Variants in ITFG1 observed in about 807,000 individuals in gnomAD.
The protein encoded by ITFG1 is T-cell immunomodulatory protein.
Under a neutral mutation model 81.8 loss-of-function variants are expected in ITFG1, and 34 were observed. The observed-to-expected ratio is 0.42, with a 90% confidence interval of 0.32 to 0.55. The LOEUF (loss-of-function observed/expected upper bound fraction) is 0.55, where lower values mean the gene tolerates loss of function less well. Ranked by LOEUF, ITFG1 falls within the 20% of genes least tolerant of loss-of-function variation. The pLI is 0.17. For synonymous variants in ITFG1, 285 were observed against 270.6 expected (o/e 1.05, Z -0.52); for missense variants, 672 against 755.4 (o/e 0.89, Z 1.29).
chr16:47,301,048 T>C (rs1015356342), intron 10 of ITFG1, among the ~76,000 whole-genome samples: 1 of 152,194 alleles, frequency 6.6e-6, no homozygotes, highest in Admixed American at 6.5e-5. Flanking sequence ...GGAGTATAAT[T>C]TTTAAAAAGT....
At chr16:47,365,299 G>A (rs1968162042) in intron 8 of ITFG1, among the ~76,000 whole-genome samples, 1 of 152,192 alleles carries the variant, frequency 6.6e-6, no homozygotes, top group African/African-American at 2.4e-5. Context: ...CCTGACCAAT[G>A]TGAACTTGAT....
intron 8 of ITFG1, among the ~76,000 whole-genome samples, chr16:47,321,798 TA>T (rs748128726): frequency 3.6e-4 from 55 of 152,188 alleles, no homozygotes; most frequent in Non-Finnish European, 1.3e-4. Context: ...TTAAGAATTT[TA>T]AAATAATTGA....
intron 10 of ITFG1, among the ~76,000 whole-genome samples, chr16:47,288,648 C>T (rs777038557): frequency 7.9e-5 from 12 of 151,966 alleles, no homozygotes; most frequent in Non-Finnish European, 1.6e-4. Context: ...CTCGCTCTGT[C>T]GCTTAGACCA....
At chr16:47,337,632 A>G (rs774679533) in intron 8 of ITFG1, among the ~76,000 whole-genome samples, 5 of 152,228 alleles carry the variant, frequency 3.3e-5, no homozygotes, top group Admixed American at 1.3e-4. Flanking sequence ...TACATACGTT[A>G]AGGATTGTGA....
chr16:47,344,058 T>C (rs910624225), intron 8 of ITFG1, among the ~76,000 whole-genome samples: 9 of 152,174 alleles, frequency 5.9e-5, no homozygotes, highest in Admixed American at 6.5e-5. Flanking sequence ...ATTCCACTTA[T>C]ATGAAATATC....
At chr16:47,302,997 G>C (rs972443220) in intron 10 of ITFG1, among the ~76,000 whole-genome samples, 2 of 152,122 alleles carry the variant, frequency 1.3e-5, no homozygotes, top group Non-Finnish European at 2.9e-5. Flanking sequence ...ATAGGCTGGG[G>C]GCGGTAGCTC....
intron 14 of ITFG1, 30 bp from the exon 15 acceptor site, chr16:47,162,694 A>C: frequency 6.4e-7 from 1 of 1,561,644 alleles, no homozygotes; most frequent in South Asian, 1.2e-5. Flanking sequence ...AAAAAATTAA[A>C]AACATCTCTG....
chr16:47,269,171 G>C (rs776033124), intron 10 of ITFG1, among the ~76,000 whole-genome samples: 4 of 151,884 alleles, frequency 2.6e-5, no homozygotes, highest in Non-Finnish European at 5.9e-5. Context: ...CATTGTAAAA[G>C]GAAAGAAAAA....
Position 47,427,984 on chromosome 16 carries a change from A to T in ITFG1, c.655+820T>A, listed in dbSNP as rs1969045236. On this transcript the variant is annotated intron_variant, in intron 6 of 17. Transcript: ENST00000320640. ...CTCTGTCTCTACAAAAAATACAAGA[A>T]TTAGCCAGGCATAATGGCACATGCT... is the stretch of plus-strand genomic sequence containing the variant. Among the ~76,000 whole-genome samples the T allele has an allele frequency of 2.6e-5, 4 of 152,098 alleles. No homozygotes were observed. In the South Asian group the frequency reaches 8.3e-4, roughly 32 times the overall value.
At chr16:47,352,843 T>C (rs1967982803) in intron 8 of ITFG1, among the ~76,000 whole-genome samples, 1 of 151,962 alleles carries the variant, frequency 6.6e-6, no homozygotes, top group African/African-American at 2.4e-5. Context: ...ATTACGAAAA[T>C]GTGGCACATA....
At chr16:47,421,448 G>A (rs1435144874) in intron 6 of ITFG1, among the ~76,000 whole-genome samples, 1 of 152,032 alleles carries the variant, frequency 6.6e-6, no homozygotes, top group African/African-American at 2.4e-5. Context: ...GGGACTACAG[G>A]CGCGTACCAA....
At chr16:47,371,374 T>G (rs1431946085) in intron 7 of ITFG1, among the ~76,000 whole-genome samples, 1 of 152,202 alleles carries the variant, frequency 6.6e-6, no homozygotes, top group Non-Finnish European at 1.5e-5. Flanking sequence ...ATGTTAGTAA[T>G]AGTAGTAGGA....
intron 6 of ITFG1, among the ~76,000 whole-genome samples, chr16:47,398,869 T>C (rs1164133611): frequency 6.6e-6 from 1 of 152,194 alleles, no homozygotes; most frequent in African/African-American, 2.4e-5. Flanking sequence ...CCAGACAATA[T>C]TTCAGGGAAC....
chr16:47,307,232 A>C (rs1967184118), intron 10 of ITFG1, among the ~76,000 whole-genome samples: 1 of 151,958 alleles, frequency 6.6e-6, no homozygotes, highest in South Asian at 2.1e-4. Flanking sequence ...TAAAAATCAT[A>C]AAGGAATGCA....
intron 10 of ITFG1, among the ~76,000 whole-genome samples, chr16:47,286,192 C>T (rs1209163553): frequency 6.6e-6 from 1 of 152,164 alleles, no homozygotes; most frequent in Non-Finnish European, 1.5e-5. Context: ...TAACAAAGGC[C>T]TCAATCTATC....
intron 2 of ITFG1, among the ~76,000 whole-genome samples, chr16:47,454,375 G>C (rs764847510): frequency 3.1e-4 from 47 of 152,108 alleles, no homozygotes; most frequent in Non-Finnish European, 4.7e-4. Flanking sequence ...CAAGAAACAA[G>C]ACAAATCTGA....
At chr16:47,322,464 G>A (rs1227313213) in intron 8 of ITFG1, among the ~76,000 whole-genome samples, 1 of 152,162 alleles carries the variant, frequency 6.6e-6, no homozygotes, top group African/African-American at 2.4e-5. Context: ...CGAGGTGGGT[G>A]GATCACCTGA....
At chr16:47,208,554 C>T (rs1421524293) in intron 14 of ITFG1, among the ~76,000 whole-genome samples, 1 of 152,154 alleles carries the variant, frequency 6.6e-6, no homozygotes, top group Non-Finnish European at 1.5e-5. Flanking sequence ...TGATGGGCAC[C>T]AGTCCTTTAC....
At chr16:47,423,785 G>A (rs1424726185) in intron 6 of ITFG1, among the ~76,000 whole-genome samples, 1 of 152,216 alleles carries the variant, frequency 6.6e-6, no homozygotes, top group Non-Finnish European at 1.5e-5. Flanking sequence ...TAGGTTTTCT[G>A]CTGAGAGATC....
Sources: gnomAD v4.1 joint callset for allele counts (sites outside exome capture counted in the v4.1 genomes callset) on GRCh38, gnomAD v4.1.1 for gene constraint, MANE v1.5 for transcripts, NCBI Gene and HGNC (gene_info 2026-07-23, HGNC 2026-07-21) for gene names.